ABCB5: variants seen among roughly 807,000 people sequenced by gnomAD.
ABCB5 encodes the protein ATP binding cassette subfamily B member 5.
ABCB5 carries 155 observed loss-of-function variants against 144.2 expected under a neutral mutation model. That is an observed-to-expected ratio of 1.08 (90% CI 0.94 to 1.23). The LOEUF is 1.23. Ranked by LOEUF, ABCB5 falls within the 50% of genes most tolerant of loss-of-function variation. The pLI is 0.00. For synonymous variants in ABCB5, 610 were observed against 528.6 expected (o/e 1.15, Z -2.11); for missense variants, 1,830 against 1,520.8 (o/e 1.20, Z -3.38).
chr7:20,724,390 G>A lies in ABCB5; in HGVS notation c.2625+1171G>A, dbSNP rs187213984. Among the ~76,000 whole-genome samples the A allele has an allele frequency of 2.3e-4, 35 of 152,078 alleles. No homozygotes were observed. In the East Asian group the frequency reaches 6.6e-3, roughly 29 times the overall value. On this transcript the variant is annotated intron_variant, in intron 21 of 27. Coordinates refer to ENST00000404938, the MANE Select transcript of ABCB5 (RefSeq NM_001163941.2). ...CACCTGTAATCCCAGAACTTTGGGA[G>A]GCCGAGATGGGCGGATCTTTTGAGG...
chr7:20,724,112 G>C (rs555864441), intron 21 of ABCB5, among the ~76,000 whole-genome samples: 51 of 152,248 alleles, frequency 3.3e-4, no homozygotes, highest in Middle Eastern at 3.4e-3. Flanking sequence ...TCCAGTGGCA[G>C]GTAGTACATT....
chr7:20,653,739 T>C (rs1479409679), intron 13 of ABCB5, among the ~76,000 whole-genome samples: 3 of 152,296 alleles, frequency 2.0e-5, no homozygotes, highest in South Asian at 2.1e-4. Context: ...AGAAGCCCAG[T>C]CTGTATGGGC....
At chr7:20,667,102 T>G (rs185952217) in intron 14 of ABCB5, 2 of 679,708 alleles carry the variant, frequency 2.9e-6, no homozygotes, top group East Asian at 1.9e-4. Flanking sequence ...GCCCATTTTA[T>G]GGACCTCTGA....
intron 16 of ABCB5, among the ~76,000 whole-genome samples, chr7:20,697,277 G>T (rs546330103): frequency 3.9e-5 from 6 of 152,112 alleles, no homozygotes; most frequent in Non-Finnish European, 7.4e-5. Flanking sequence ...ACAACAGTCC[G>T]CATTATAGTG....
intron 14 of ABCB5, chr7:20,667,055 C>T (rs1562550600): frequency 1.8e-6 from 1 of 546,508 alleles, no homozygotes; most frequent in Non-Finnish European, 2.5e-6. Flanking sequence ...TTTTCTAGTA[C>T]ACTTGATAGT....
chr7:20,620,216 G>A (rs982422429), intron 1 of ABCB5, among the ~76,000 whole-genome samples: 7 of 152,098 alleles, frequency 4.6e-5, no homozygotes, highest in African/African-American at 1.4e-4. Flanking sequence ...AAAGAATGAA[G>A]TTGAACTCTT....
rs746232251 is a variant in ABCB5 at position 20,626,627 on chromosome 7, TAG to T, written c.108+18_108+19del. The T allele has an allele frequency of 6.3e-7, 1 of 1,594,608 alleles. No homozygotes were observed. The highest frequency in any genetic ancestry group is 1.1e-5 in the South Asian group (1 of 87,420). ...TATTGAGATAGTAAGTGAAATCAGT[TAG>T]AAAGTACATGCATTAGAAGATTTTA... On this transcript the variant is annotated intron_variant, in intron 3 of 27. Transcript: ENST00000404938.
Position 20,650,100 on chromosome 7 carries a change from A to T in ABCB5, c.1285A>T (p.Thr429Ser). Residue 429 changes from threonine to serine, a missense_variant, in exon 12 of 28, where the codon ACG becomes TCG. Transcript: ENST00000404938. ...LVGLNGSGKS[T>S]VVQLLQRLYD... ...CGGTCTCAATGGCAGTGGGAAGAGT[A>T]CGGTAGTCCAGCTTCTGCAGAGGTT... is the stretch of plus-strand genomic sequence containing the variant. The T allele has an allele frequency of 6.2e-7, 1 of 1,613,666 alleles. No homozygotes were observed. The highest frequency in any genetic ancestry group is 8.5e-7 in the Non-Finnish European group (1 of 1,179,658).
intron 12 of ABCB5, 119 bp from the exon 13 acceptor site, chr7:20,651,301 G>C (rs1344620193): frequency 3.4e-6 from 3 of 871,004 alleles, no homozygotes; most frequent in African/African-American, 3.4e-5. Context: ...TCAAAATATA[G>C]TCAGTCTTTG....
chr7:20,627,244 A>T (rs375087900), intron 3 of ABCB5, among the ~76,000 whole-genome samples: 5 of 152,124 alleles, frequency 3.3e-5, no homozygotes, highest in Admixed American at 6.5e-5. Flanking sequence ...TCAAAAGTCA[A>T]TTTAAAAAAA....
chr7:20,681,439 T>C, intron 14 of ABCB5, 66 bp from the exon 15 acceptor site: 4 of 1,552,116 alleles, frequency 2.6e-6, no homozygotes, highest in Non-Finnish European at 3.5e-6. Flanking sequence ...CAAAGATTTC[T>C]TAAACAGTGC....
chr7:20,743,747 A>G (rs1782632880), intron 25 of ABCB5, among the ~76,000 whole-genome samples: 1 of 152,088 alleles, frequency 6.6e-6, no homozygotes, highest in South Asian at 2.1e-4. Flanking sequence ...TCAGACTGCC[A>G]TGTTAGTCCT....
rs1554284177 is a variant in ABCB5, at chr7:20,681,115, T to TCTTTC, written c.1708-389_1708-385dup. Among the ~76,000 whole-genome samples, 7 of 5,836 alleles carry TCTTTC rather than the reference T, an allele frequency of 1.2e-3. 2 individuals are homozygous for TCTTTC. The highest frequency in any genetic ancestry group is 2.1e-3 in the African/African-American group (7 of 3,374). The allele number at this position is 5,836 out of a possible 152,430, so 3.8% of individuals were successfully genotyped here. ...TTCTTTCTTTCTTTCTTTCTTTCTT[T>TCTTTC]CTTTCTTTCTTTTTCTTTCTGTCTT... On this transcript the variant is annotated intron_variant, in intron 14 of 27. Transcript: ENST00000404938.
At chr7:20,644,683 G>C (rs1232686016) in intron 7 of ABCB5, among the ~76,000 whole-genome samples, 3 of 152,182 alleles carry the variant, frequency 2.0e-5, no homozygotes, top group Non-Finnish European at 4.4e-5. Context: ...AGGAGGCACA[G>C]TGCTTTAAAT....
intron 14 of ABCB5, among the ~76,000 whole-genome samples, chr7:20,661,992 T>C (rs904451887): frequency 6.6e-6 from 1 of 152,210 alleles, no homozygotes; most frequent in Non-Finnish European, 1.5e-5. Flanking sequence ...GGTGTGCCAA[T>C]GCAGCAGGTT....
intron 2 of ABCB5, among the ~76,000 whole-genome samples, chr7:20,624,580 G>T (rs1783867591): frequency 6.6e-6 from 1 of 152,160 alleles, no homozygotes; most frequent in South Asian, 2.1e-4. Flanking sequence ...TGAAGGTAGG[G>T]GTTGGATGGG....
Position 20,704,800 on chromosome 7 carries a change from T to C in ABCB5, c.2414T>C (p.Ile805Thr). 6.2e-7 allele frequency: 1 copy of C among 1,611,926 alleles called. No homozygotes were observed. The highest frequency in any genetic ancestry group is 8.5e-7 in the Non-Finnish European group (1 of 1,178,380). The change falls in exon 20 of 28, where the codon ATT becomes ACT. Residue 805 changes from isoleucine to threonine, a missense_variant. Coordinates refer to ENST00000404938, the MANE Select transcript of ABCB5 (RefSeq NM_001163941.2). ...ATATTAGCCATAGATATAGCACAAATTCAAGGAGTATGTATATTGTTTTTA... is the reference window on the plus strand; with the variant it reads ...ATATTAGCCATAGATATAGCACAAACTCAAGGAGTATGTATATTGTTTTTA... ...TTILAIDIAQ[I>T]QGATGSRIGV...
At chr7:20,617,296 G>C (rs976695023) in intron 1 of ABCB5, among the ~76,000 whole-genome samples, 1 of 152,004 alleles carries the variant, frequency 6.6e-6, no homozygotes, top group African/African-American at 2.4e-5. Flanking sequence ...TTTTTTTCCA[G>C]TGCATTTCTT....
At chr7:20,638,089 G>A (rs1260994938) in intron 5 of ABCB5, among the ~76,000 whole-genome samples, 5 of 152,002 alleles carry the variant, frequency 3.3e-5, no homozygotes, top group Admixed American at 6.6e-5. Flanking sequence ...GTGTTGTTTT[G>A]TTTGTTTGTT....
Sources: allele counts gnomAD v4.1 joint callset (sites outside exome capture counted in the v4.1 genomes callset), GRCh38; gene constraint gnomAD v4.1.1; transcripts MANE v1.5; gene names NCBI Gene and HGNC (gene_info 2026-07-23, HGNC 2026-07-21).